CTDP1: variants seen among roughly 807,000 people sequenced by gnomAD.
CTDP1 encodes CTD phosphatase 1.
Under a neutral mutation model 91.8 loss-of-function variants are expected in CTDP1, and 47 were observed. That is an observed-to-expected ratio of 0.51 (90% CI 0.41 to 0.65). The LOEUF is 0.65. Among genes scored for constraint, CTDP1 ranks in the 30% least tolerant of loss-of-function variants. CTDP1 has a pLI of 0.00. For missense variants in CTDP1, 1,272 were observed against 1,373.7 expected (o/e 0.93, Z 1.17); for synonymous variants, 656 against 598.5 (o/e 1.10, Z -1.40).
chr18:79,722,109 T>G (rs1393092695), intron 10 of CTDP1, among the ~76,000 whole-genome samples: 1 of 152,230 alleles, frequency 6.6e-6, no homozygotes. Flanking sequence ...AACTGGTGTT[T>G]TAATAATTCA....
chr18:79,705,901 C>T (rs540145543), intron 5 of CTDP1, among the ~76,000 whole-genome samples: 111 of 152,330 alleles, frequency 7.3e-4, no homozygotes, highest in African/African-American at 2.4e-3. Flanking sequence ...ATTATGGCTG[C>T]TGCTGCATAG....
In CTDP1 at chr18:79,714,743, C is replaced by A. The variant is rs536225548; in HGVS notation, c.1283C>A (p.Ser428Tyr). ...GCAGGCGCTCCTGAGCCCCAGGGAT[C>A]CTGTGCGCAGGGTGGCCGGGTGGCA... Reference protein sequence around the residue: ...ELAGAPEPQGSCAQGGRVAPG... With the variant: ...ELAGAPEPQGYCAQGGRVAPG... Residue 428 changes from serine to tyrosine, a missense_variant, in exon 8 of 13, where the codon TCC becomes TAC. Around this residue, in one of 3 missense-constraint regions of CTDP1, gnomAD observed 881 missense variants for 911.6 expected, o/e 0.97. Transcript: ENST00000613122. 4.4e-6 allele frequency: 7 copies of A among 1,602,050 alleles called. No homozygotes were observed. In the East Asian group the frequency reaches 6.7e-5, roughly 15 times the overall value.
downstream of CTDP1, chr18:79,754,545 T>G (rs1475490150): frequency 1.3e-5 from 2 of 152,516 alleles, no homozygotes; most frequent in Admixed American, 1.3e-4. Flanking sequence ...AGCACCCGCC[T>G]CCTCCCTCGC....
At chr18:79,700,912 C>T (rs1388145644) in intron 4 of CTDP1, among the ~76,000 whole-genome samples, 1 of 152,150 alleles carries the variant, frequency 6.6e-6, no homozygotes, top group African/African-American at 2.4e-5. Flanking sequence ...TCCCAGGGCC[C>T]TTAAGAATGA....
chr18:79,705,606 C>G (rs1599234038), intron 5 of CTDP1, among the ~76,000 whole-genome samples: 1 of 151,810 alleles, frequency 6.6e-6, no homozygotes, highest in Admixed American at 6.6e-5. Flanking sequence ...GACCGTCTGT[C>G]CCACGTGGAC....
chr18:79,720,345 T>C (rs1478449227), intron 10 of CTDP1, among the ~76,000 whole-genome samples: 4 of 149,504 alleles, frequency 2.7e-5, no homozygotes, highest in Admixed American at 2.7e-4. Context: ...TAGGAGGGCG[T>C]CCTGGTGATG....
intron 12 of CTDP1, among the ~76,000 whole-genome samples, chr18:79,751,556 C>G (rs1385439430): frequency 6.6e-6 from 1 of 152,194 alleles, no homozygotes; most frequent in African/African-American, 2.4e-5. Context: ...TTGGTTCCAT[C>G]TGATCAGCTG....
chr18:79,751,914 G>A (rs572445429), intron 12 of CTDP1, among the ~76,000 whole-genome samples: 3 of 152,296 alleles, frequency 2.0e-5, no homozygotes, highest in East Asian at 1.9e-4. Flanking sequence ...GTGACTTTTC[G>A]GGATTGTAAC....
intron 12 of CTDP1, among the ~76,000 whole-genome samples, chr18:79,752,219 C>T (rs566107803): frequency 3.9e-5 from 6 of 152,148 alleles, no homozygotes; most frequent in Non-Finnish European, 7.4e-5. Flanking sequence ...TGCAGAGGCT[C>T]GTAAGGAAAG....
At chr18:79,677,277 T>C (rs776717147), upstream of CTDP1, 1 of 152,246 alleles carries the variant, frequency 6.6e-6, no homozygotes, top group African/African-American at 2.4e-5. Flanking sequence ...AGGAAAACTT[T>C]AGAAACATTA....
chr18:79,712,430 C>T (rs896521399), intron 6 of CTDP1, among the ~76,000 whole-genome samples: 1 of 152,194 alleles, frequency 6.6e-6, no homozygotes, highest in Non-Finnish European at 1.5e-5. Flanking sequence ...TACGGGCGCA[C>T]ACCCCCACAC....
intron 5 of CTDP1, among the ~76,000 whole-genome samples, chr18:79,706,527 A>G (rs2085969615): frequency 6.6e-6 from 1 of 152,080 alleles, no homozygotes. Context: ...CCTCACGCTC[A>G]TCATATCCAT....
intron 4 of CTDP1, 151 bp downstream of exon 4, chr18:79,698,139 G>C (rs2085785226): frequency 1.7e-6 from 2 of 1,184,152 alleles, no homozygotes; most frequent in Non-Finnish European, 2.4e-6. Context: ...CGTGGGCCGT[G>C]TGTCTGCTGG....
chr18:79,695,155 TTC>T, intron 1 of CTDP1, 68 bp from the exon 2 acceptor site: 1 of 1,449,804 alleles, frequency 6.9e-7, no homozygotes, highest in Non-Finnish European at 9.7e-7. Context: ...GATTTTAAAA[TTC>T]TTACTTGGGG....
chr18:79,743,320 G>T (rs2086816031), intron 12 of CTDP1, among the ~76,000 whole-genome samples: 4 of 152,124 alleles, frequency 2.6e-5, no homozygotes, highest in Admixed American at 2.6e-4. Flanking sequence ...GAGTTCAGGA[G>T]TTCGAGAACA....
At chr18:79,738,668 T>C (rs1429305407) in intron 12 of CTDP1, among the ~76,000 whole-genome samples, 2 of 152,202 alleles carry the variant, frequency 1.3e-5, no homozygotes, top group African/African-American at 2.4e-5. Flanking sequence ...AGTTACAAAA[T>C]TGGGCCAGAA....
intron 11 of CTDP1, 51 bp from the exon 12 acceptor site, chr18:79,736,303 AG>A (rs1184173105): frequency 1.3e-6 from 2 of 1,547,894 alleles, no homozygotes; most frequent in African/African-American, 2.7e-5. Context: ...CCTGTTGCGG[AG>A]GAACGGGGCC....
At chr18:79,691,054 C>T (rs1282252061) in intron 1 of CTDP1, among the ~76,000 whole-genome samples, 1 of 152,208 alleles carries the variant, frequency 6.6e-6, no homozygotes, top group Non-Finnish European at 1.5e-5. Flanking sequence ...CCAGCCCTCA[C>T]CTGCTTCCTA....
chr18:79,706,951 A>T (rs527301056), intron 5 of CTDP1, among the ~76,000 whole-genome samples: 2 of 152,330 alleles, frequency 1.3e-5, no homozygotes, highest in African/African-American at 4.8e-5. Context: ...CCATACGTTG[A>T]TCTGGTGCCC....
Sources: allele counts gnomAD v4.1 joint callset (sites outside exome capture counted in the v4.1 genomes callset), GRCh38; gene constraint gnomAD v4.1.1; regional missense constraint gnomAD v4.1.1; transcripts MANE v1.5; gene names NCBI Gene and HGNC (gene_info 2026-07-23, HGNC 2026-07-21).